The following SEL1L2 variants were observed in gnomAD, a reference collection of about 807,000 sequenced individuals.
The protein encoded by SEL1L2 is SEL1L2 adaptor subunit of SYVN1 ubiquitin ligase, also known as protein sel-1 homolog 2.
In SEL1L2, 89 loss-of-function variants were observed where a neutral mutation model predicts 98.8. The observed-to-expected ratio is 0.90, with a 90% CI of 0.76 to 1.07. The LOEUF is 1.07. SEL1L2 is among the 50% of genes least tolerant of loss of function. The probability of loss-of-function intolerance (pLI) is 0.00; values close to 1 mark genes in which losing one functional copy is unlikely to be tolerated. For missense variants in SEL1L2, 788 were observed against 812.0 expected (o/e 0.97, Z 0.36); for synonymous variants, 262 against 278.5 (o/e 0.94, Z 0.59).
intron 12 of SEL1L2, among the ~76,000 whole-genome samples, chr20:13,874,082 G>C (rs923564647): frequency 6.6e-6 from 1 of 152,162 alleles, no homozygotes; most frequent in African/African-American, 2.4e-5. Context: ...GAGAGTCTGG[G>C]AAGGGGAGGC....
Position 13,869,678 on chromosome 20 carries a change from C to A in SEL1L2, c.1168-88G>T, listed in dbSNP as rs2046092438. ...TTCCACTTCTTAAAAAGAGTATAGA[C>A]AGTGCCCTATGTGATTTAGGGTAAT... On this transcript the variant is annotated intron_variant, in intron 13 of 19. Transcript: ENST00000284951. 4 of 925,084 alleles carry A rather than the reference C, an allele frequency of 4.3e-6. No individual in the cohort carries two copies. In the South Asian group the frequency reaches 5.4e-5, roughly 13 times the overall value. The allele number at this position is 925,084 out of a possible 1,614,324, so 57.3% of individuals were successfully genotyped here.
intron 1 of SEL1L2, among the ~76,000 whole-genome samples, chr20:13,978,248 T>G (rs181323231): frequency 6.6e-6 from 1 of 152,308 alleles, no homozygotes. Context: ...GAACACATGA[T>G]GAGGAAAGGA....
At chr20:13,873,941 C>A (rs904580369) in intron 12 of SEL1L2, among the ~76,000 whole-genome samples, 1 of 152,108 alleles carries the variant, frequency 6.6e-6, no homozygotes, top group Non-Finnish European at 1.5e-5. Flanking sequence ...AGTTAAATCC[C>A]AGCAGCAGGA....
intron 4 of SEL1L2, among the ~76,000 whole-genome samples, chr20:13,916,633 C>CTG (rs1329167340): frequency 6.6e-6 from 1 of 152,148 alleles, no homozygotes; most frequent in East Asian, 1.9e-4. Context: ...TGGCGAAACC[C>CTG]TGTCTCTACT....
chr20:13,975,910 A>C (rs1453475281), intron 1 of SEL1L2, among the ~76,000 whole-genome samples: 2 of 151,704 alleles, frequency 1.3e-5, no homozygotes, highest in Non-Finnish European at 2.9e-5. Context: ...CTAGTCTTGA[A>C]CTCCTGAGCT....
chr20:13,984,214 G>A (rs1210087030), intron 1 of SEL1L2, among the ~76,000 whole-genome samples: 1 of 151,940 alleles, frequency 6.6e-6, no homozygotes, highest in Admixed American at 6.6e-5. Context: ...GTTTCACCAT[G>A]TTGGCCAGGC....
chr20:13,869,997 C>T lies in SEL1L2; in HGVS notation c.1167+144G>A, dbSNP rs1285377013. On this transcript the variant is annotated intron_variant, in intron 13 of 19. Transcript: ENST00000284951. ...CAGTGTCTCTTTGGCAGAGATTTCACTGGATTATTTTATTCTCTATTATCT... is the reference window on the plus strand; with the variant it reads ...CAGTGTCTCTTTGGCAGAGATTTCATTGGATTATTTTATTCTCTATTATCT... 6.7e-6 allele frequency: 4 copies of T among 593,646 alleles called. No homozygotes were observed. In the East Asian group the frequency reaches 1.1e-4, roughly 17 times the overall value. 36.8% of individuals were successfully genotyped at this position (593,646 alleles called of 1,614,324 possible). A position where few individuals can be genotyped will look rare whatever the true frequency, so the allele number is the denominator to read the frequency against.
At chr20:13,952,844 C>T (rs1031620697) in intron 2 of SEL1L2, among the ~76,000 whole-genome samples, 2 of 152,174 alleles carry the variant, frequency 1.3e-5, no homozygotes, top group African/African-American at 4.8e-5. Flanking sequence ...TCCTGGCCAA[C>T]ATAGTGAGAC....
At chr20:13,945,304 G>A (rs2030650404) in intron 2 of SEL1L2, among the ~76,000 whole-genome samples, 1 of 152,088 alleles carries the variant, frequency 6.6e-6, no homozygotes, top group South Asian at 2.1e-4. Flanking sequence ...ATCCCATTTA[G>A]TGTGATATTC....
chr20:13,863,986 A>T (rs965967400), intron 17 of SEL1L2, among the ~76,000 whole-genome samples: 8 of 151,910 alleles, frequency 5.3e-5, no homozygotes, highest in South Asian at 2.1e-4. Context: ...AAAAAAAAGA[A>T]AAAGATAAAG....
At chr20:13,975,689 A>G (rs1444629666) in intron 1 of SEL1L2, among the ~76,000 whole-genome samples, 1 of 152,234 alleles carries the variant, frequency 6.6e-6, no homozygotes, top group Non-Finnish European at 1.5e-5. Context: ...AAGTTCTACA[A>G]TGAGCTAAAG....
At chr20:13,956,467 T>A (rs182804418) in intron 1 of SEL1L2, among the ~76,000 whole-genome samples, 12 of 152,212 alleles carry the variant, frequency 7.9e-5, no homozygotes, top group Admixed American at 6.5e-4. Flanking sequence ...ATTAAATGTA[T>A]CTATATAAAT....
At chr20:13,965,004 C>T (rs968827332) in intron 1 of SEL1L2, among the ~76,000 whole-genome samples, 8 of 152,070 alleles carry the variant, frequency 5.3e-5, no homozygotes, top group African/African-American at 1.4e-4. Flanking sequence ...TTTGAGTCTC[C>T]TAATGATTTT....
At chr20:13,956,152 T>G in intron 1 of SEL1L2, 21 bp from the exon 2 acceptor site, 1 of 1,318,590 alleles carries the variant, frequency 7.6e-7, no homozygotes, top group Non-Finnish European at 1.0e-6. Context: ...CAAAATTTTT[T>G]TATAAAATTT....
chr20:13,975,684 C>G (rs2051499321), intron 1 of SEL1L2, among the ~76,000 whole-genome samples: 1 of 152,144 alleles, frequency 6.6e-6, no homozygotes, highest in South Asian at 2.1e-4. Context: ...ATGCCAAGTT[C>G]TACAATGAGC....
At chr20:13,968,641 G>A (rs1205399337) in intron 1 of SEL1L2, among the ~76,000 whole-genome samples, 4 of 152,160 alleles carry the variant, frequency 2.6e-5, no homozygotes, top group African/African-American at 9.6e-5. Context: ...GAATTTTCTT[G>A]GCTGTTGGAG....
intron 2 of SEL1L2, among the ~76,000 whole-genome samples, chr20:13,949,477 A>G (rs2050164924): frequency 6.6e-6 from 1 of 152,196 alleles, no homozygotes; most frequent in Non-Finnish European, 1.5e-5. Flanking sequence ...GTCCTGGCTA[A>G]CACTGTGAAA....
intron 3 of SEL1L2, among the ~76,000 whole-genome samples, chr20:13,920,041 C>A (rs2048584607): frequency 6.6e-6 from 1 of 151,822 alleles, no homozygotes; most frequent in African/African-American, 2.4e-5. Flanking sequence ...CTAGCCTGGC[C>A]AACATGGTGA....
intron 5 of SEL1L2, among the ~76,000 whole-genome samples, chr20:13,903,703 ACTGAGG>A (rs1187092235): frequency 6.6e-6 from 1 of 152,024 alleles, no homozygotes; most frequent in Non-Finnish European, 1.5e-5. Flanking sequence ...CCCAGCTACT[ACTGAGG>A]CTGAGGCAGG....
Sources: gnomAD v4.1 joint callset for allele counts (sites outside exome capture counted in the v4.1 genomes callset) on GRCh38, gnomAD v4.1.1 for gene constraint, MANE v1.5 for transcripts, NCBI Gene and HGNC (gene_info 2026-07-23, HGNC 2026-07-21) for gene names.